Variants in TTC14 observed in about 807,000 individuals in gnomAD.
TTC14 encodes the protein tetratricopeptide repeat protein 14.
A neutral mutation model predicts 79.9 loss-of-function variants in TTC14; 63 were observed. That is an observed-to-expected ratio of 0.79 (90% CI 0.64 to 0.97). The LOEUF is 0.97. Among genes scored for constraint, TTC14 ranks in the 50% least tolerant of loss-of-function variants. TTC14 has a pLI of 0.00. For synonymous variants in TTC14, 335 were observed against 309.6 expected, an observed-to-expected ratio of 1.08 and a Z score of -0.86; for missense variants, 895 against 894.0, an observed-to-expected ratio of 1.00 and a Z score of -0.01.
At chr3:180,604,803 G>A (rs1716582954) in intron 5 of TTC14, 49 bp from the exon 6 acceptor site, 1 of 1,541,792 alleles carries the variant, frequency 6.5e-7, no homozygotes, top group Admixed American at 2.0e-5. Context: ...ACTAGAAATG[G>A]AATGTCAAAT....
chr3:180,610,193 AAG>A lies in TTC14; in HGVS notation c.1967_1968del (p.Glu656AlafsTer3), dbSNP rs1490430003. On this transcript the variant is annotated frameshift_variant, in exon 12 of 12. Coordinates refer to ENST00000296015, the MANE Select transcript of TTC14 (RefSeq NM_133462.4). LOFTEE classifies it high-confidence loss of function. The stretch of plus-strand genomic sequence containing the variant: ...TTTGAAAAGGATATAGAGGGAAGAA[AAG>A]AGCACTATAGAAGGTGGGAACCAGG... The A allele has an allele frequency of 1.9e-6, 3 of 1,613,958 alleles. No homozygotes were observed. Among genetic ancestry groups the A allele is most frequent in the Non-Finnish European group, 2.5e-6 (3 of 1,179,920 alleles).
At chr3:180,616,139 T>C (rs559875633) in intron 12 of TTC14, 1 of 698,332 alleles carries the variant, frequency 1.4e-6, no homozygotes, top group South Asian at 1.6e-5. Flanking sequence ...TGATGCTGAC[T>C]AGTGAGATGT....
At chr3:180,616,268 A>G in intron 12 of TTC14, 1 of 1,611,802 alleles carries the variant, frequency 6.2e-7, no homozygotes, top group Non-Finnish European at 8.5e-7. Flanking sequence ...TTTTTTTTTA[A>G]CCCTCCGCTT....
Position 180,606,294 on chromosome 3 carries a change from T to C in TTC14, c.971T>C (p.Val324Ala). 1 of 1,614,130 alleles carries C rather than the reference T, an allele frequency of 6.2e-7. No homozygotes were observed. The highest frequency in any genetic ancestry group is 8.5e-7 in the Non-Finnish European group (1 of 1,179,990). ...GVDYFKVGRH[V>A]DAMNEYNKAL... is the part of the protein sequence containing the mutation. ...GACTATTTTAAAGTTGGACGCCATG[T>C]GGATGCTATGAATGAATACAATAAA... The change falls in exon 8 of 12, where the codon GTG (valine) becomes GCG (alanine). Residue 324 changes from valine (V) to alanine (A), a missense_variant. By Grantham distance (64) the Val-to-Ala change is moderately conservative. Coordinates refer to ENST00000296015, the MANE Select transcript of TTC14 (RefSeq NM_133462.4).
In TTC14 at chr3:180,616,286, T is replaced by C. The variant is rs1307619593; in HGVS notation, c.1775-1094T>C. 2 of 1,613,094 alleles carry C rather than the reference T, an allele frequency of 1.2e-6. No homozygotes were observed. Among genetic ancestry groups the C allele is most frequent in the African/African-American group, 2.7e-5 (2 of 74,882 alleles). On this transcript the variant is annotated intron_variant, in intron 12 of 12. Coordinates refer to the TTC14 transcript ENST00000382584. ...TTTTTTAACCCTCCGCTTACCTTGC[T>C]GATAGTGAAGTATGTGAAGGAGATC...
chr3:180,608,624 T>G, intron 10 of TTC14, 77 bp from the exon 11 acceptor site: 6 of 1,373,330 alleles, frequency 4.4e-6, no homozygotes, highest in Non-Finnish European at 5.7e-6. Context: ...TCGTTGGGGG[T>G]GGTCTTTTGA....
chr3:180,616,246 G>C, intron 12 of TTC14: 1 of 1,584,034 alleles, frequency 6.3e-7, no homozygotes, highest in Non-Finnish European at 8.7e-7. Context: ...ACAGCTGTGA[G>C]AGTTAAGCAG....
In TTC14 at chr3:180,602,886, T is replaced by C. The variant is rs1007708405; in HGVS notation, c.162-5T>C. On this transcript the variant is annotated splice_polypyrimidine_tract_variant and splice_region_variant and intron_variant, in intron 1 of 11. Coordinates refer to ENST00000296015, the MANE Select transcript of TTC14 (RefSeq NM_133462.4). ...AATTTTCATATATATTTTTTTCTTT[T>C]TAAGAAAAGAGAAGAGAGTTGACAA... The C allele has an allele frequency of 1.3e-5, 21 of 1,599,544 alleles. No individual in the cohort carries two copies. The highest frequency in any genetic ancestry group is 1.7e-5 in the Non-Finnish European group (20 of 1,176,320).
chr3:180,617,773 G>A lies in TTC14; in HGVS notation c.*206G>A, dbSNP rs9863966. The A allele has an allele frequency of 3.4e-3, 1,088 of 324,264 alleles. 8 individuals are homozygous for A. The highest frequency in any genetic ancestry group is 0.02 in the African/African-American group (936 of 46,934). 20.1% of individuals were successfully genotyped at this position (324,264 alleles called of 1,614,324 possible). The stretch of plus-strand genomic sequence containing the variant: ...AATGTTTAAAGTTAAAAAGCTCTAG[G>A]AAGCTAAGGTCAATTTATTATTGGA... On this transcript the variant is annotated 3_prime_UTR_variant, in exon 13 of 13. Transcript: ENST00000382584.
downstream of TTC14, chr3:180,611,217 T>A (rs1716984170): frequency 1.1e-6 from 1 of 951,846 alleles, no homozygotes; most frequent in African/African-American, 1.8e-5. Context: ...CATTATTTTT[T>A]ACCTCATTGC....
chr3:180,614,919 G>A, downstream of TTC14: 2 of 1,553,324 alleles, frequency 1.3e-6, no homozygotes, highest in Non-Finnish European at 1.7e-6. Flanking sequence ...AGATTAAAAT[G>A]TTTATTTGCT....
rs1334105443 is a variant in TTC14, at chr3:180,602,228, G to T, written c.-34G>T. 1.2e-6 allele frequency: 2 copies of T among 1,610,028 alleles called. No individual in the cohort carries two copies. The highest frequency in any genetic ancestry group is 1.7e-6 in the Non-Finnish European group (2 of 1,178,158). ...GCGGACACGGAACAGGGAACTATCA[G>T]CCCGTCGGCCTCCGGGCCCTGCATT... On this transcript the variant is annotated 5_prime_UTR_variant, in exon 1 of 12. Coordinates refer to ENST00000296015, the MANE Select transcript of TTC14 (RefSeq NM_133462.4).
chr3:180,603,093 G>A (rs769749411), intron 2 of TTC14, 31 bp from the exon 3 acceptor site: 1 of 1,610,610 alleles, frequency 6.2e-7, no homozygotes, highest in South Asian at 1.1e-5. Context: ...CAAAACTATC[G>A]TTAGTGATTT....
chr3:180,609,945 AG>A lies in TTC14; in HGVS notation c.1717del (p.Glu573ArgfsTer79), dbSNP rs1194786362. On this transcript the variant is annotated frameshift_variant, in exon 12 of 12. Transcript: ENST00000296015. LOFTEE classifies it high-confidence loss of function. ...RLQYEKTQIK[E>X]KDRCPLSSSS... Reference sequence around the variant, plus strand: ...TACAGTATGAAAAGACACAGATAAAAGAGAAAGATAGATGCCCTCTCTCTTC... The same window carrying A: ...TACAGTATGAAAAGACACAGATAAAAAGAAAGATAGATGCCCTCTCTCTTC... The A allele has an allele frequency of 3.7e-6, 6 of 1,613,914 alleles. No homozygotes were observed. The highest frequency in any genetic ancestry group is 5.1e-6 in the Non-Finnish European group (6 of 1,179,918).
chr3:180,606,313 C>G lies in TTC14; in HGVS notation c.990C>G (p.Tyr330Ter). Residue 330 changes from tyrosine to a stop codon, truncating the protein, a stop_gained, in exon 8 of 12, where the codon TAC becomes TAG. Transcript: ENST00000296015. LOFTEE classifies it high-confidence loss of function. The stretch of plus-strand genomic sequence containing the variant: ...GCCATGTGGATGCTATGAATGAATA[C>G]AATAAAGCTTTGGAAATAGACAAAC... ...VGRHVDAMNEYNKALEIDKQN... is the reference protein window; with the variant it reads ...VGRHVDAMNE 1 of 1,614,036 alleles carries G rather than the reference C, an allele frequency of 6.2e-7. No homozygotes were observed. The highest frequency in any genetic ancestry group is 8.5e-7 in the Non-Finnish European group (1 of 1,179,974).
At chr3:180,609,589 A>T in intron 11 of TTC14, 41 bp from the exon 12 acceptor site, 1 of 1,458,350 alleles carries the variant, frequency 6.9e-7, no homozygotes, top group Non-Finnish European at 9.0e-7. Context: ...TAATTTAGAA[A>T]CATTTTTGTA....
chr3:180,603,092 C>A, intron 2 of TTC14, 32 bp from the exon 3 acceptor site: 1 of 1,610,418 alleles, frequency 6.2e-7, no homozygotes, highest in South Asian at 1.1e-5. Context: ...TCAAAACTAT[C>A]GTTAGTGATT....
intron 1 of TTC14, 131 bp from the exon 2 acceptor site, chr3:180,602,755 AAACTT>A: frequency 9.0e-7 from 1 of 1,115,658 alleles, no homozygotes; most frequent in Non-Finnish European, 1.2e-6. Flanking sequence ...TGCCTAGTTA[AAACTT>A]TTTGTCTGAG....
chr3:180,611,254 C>A, downstream of TTC14: 1 of 800,432 alleles, frequency 1.2e-6, no homozygotes, highest in Non-Finnish European at 1.5e-6. Context: ...AGCTTTTTAA[C>A]TTTAAATATT....
Sources: gnomAD v4.1 joint callset for allele counts on GRCh38, gnomAD v4.1.1 for gene constraint, MANE v1.5 for transcripts, NCBI Gene and HGNC (gene_info 2026-07-23, HGNC 2026-07-21) for gene names.